CEP63: variants seen among roughly 807,000 people sequenced by gnomAD.
CEP63 encodes the protein centrosomal protein of 63 kDa.
A neutral mutation model predicts 89.1 loss-of-function variants in CEP63; 84 were observed. That is an observed-to-expected ratio of 0.94 (90% CI 0.79 to 1.13). CEP63 has a LOEUF of 1.13. Among genes scored for constraint, CEP63 ranks in the 50% most tolerant of loss-of-function variants. The pLI is 0.00. For missense variants in CEP63, 838 were observed against 813.3 expected (o/e 1.03, Z -0.37); for synonymous variants, 267 against 272.5 (o/e 0.98, Z 0.20).
chr3:134,526,548 T>C (rs1258111731), intron 3 of CEP63, among the ~76,000 whole-genome samples: 1 of 152,166 alleles, frequency 6.6e-6, no homozygotes, highest in Non-Finnish European at 1.5e-5. Context: ...TTCAGTATAC[T>C]CCTGTAGCTC....
chr3:134,594,891 G>A, the CEP63 span, among the ~76,000 whole-genome samples: 1 of 152,232 alleles, frequency 6.6e-6, no homozygotes, highest in Non-Finnish European at 1.5e-5. Context: ...ATATGCCTGT[G>A]TGCATTTGTG....
At chr3:134,546,367 T>A (rs1953322068) in intron 8 of CEP63, 79 bp downstream of exon 8, 3 of 1,322,318 alleles carry the variant, frequency 2.3e-6, no homozygotes, top group East Asian at 4.9e-5. Flanking sequence ...TTTATTTTTA[T>A]TTTTATTTTA....
At chr3:134,709,200 C>T in the CEP63 span, among the ~76,000 whole-genome samples, 1 of 152,122 alleles carries the variant, frequency 6.6e-6, no homozygotes, top group Non-Finnish European at 1.5e-5. Context: ...ACATTTCCTC[C>T]CTCTAGGCAC....
intron 2 of CEP63, among the ~76,000 whole-genome samples, chr3:134,499,820 CT>C (rs747946881): frequency 0.092 from 9,105 of 98,614 alleles, 258 homozygotes; most frequent in African/African-American, 0.18. Context: ...CCATCTTCAT[CT>C]TTTTTTTTTT....
chr3:134,624,997 C>G, the CEP63 span: 1 of 1,488,112 alleles, frequency 6.7e-7, no homozygotes, highest in Non-Finnish European at 9.2e-7. Context: ...TTTTGCTGCC[C>G]TAGAACTCTA....
At chr3:134,546,588 C>T (rs1263396409) in intron 8 of CEP63, among the ~76,000 whole-genome samples, 1 of 152,090 alleles carries the variant, frequency 6.6e-6, no homozygotes. Flanking sequence ...AATTCCTAAC[C>T]TCAGGTGATC....
At chr3:134,545,274 G>A (rs1211326113) in intron 6 of CEP63, among the ~76,000 whole-genome samples, 6 of 152,004 alleles carry the variant, frequency 3.9e-5, no homozygotes, top group Non-Finnish European at 7.4e-5. Flanking sequence ...GGGATTACAG[G>A]CGTGATCCAC....
chr3:134,660,723 G>C, the CEP63 span, among the ~76,000 whole-genome samples: 1 of 152,218 alleles, frequency 6.6e-6, no homozygotes, highest in Non-Finnish European at 1.5e-5. Context: ...CTTTGGTGCA[G>C]TGAGTGTGCA....
intron 11 of CEP63, among the ~76,000 whole-genome samples, chr3:134,571,317 G>C (rs1958000354): frequency 6.6e-6 from 1 of 152,174 alleles, no homozygotes; most frequent in South Asian, 2.1e-4. Context: ...TTTACCTTCT[G>C]TGTGTCAGGG....
the CEP63 span, among the ~76,000 whole-genome samples, chr3:134,686,336 C>T: frequency 6.6e-6 from 1 of 152,294 alleles, no homozygotes; most frequent in South Asian, 2.1e-4. Flanking sequence ...ATTTCCCAGG[C>T]CTTCAGAAGG....
intron 10 of CEP63, 55 bp downstream of exon 10, chr3:134,549,231 G>T: frequency 9.0e-7 from 1 of 1,106,664 alleles, no homozygotes; most frequent in South Asian, 1.2e-5. Context: ...GGACAAAGCT[G>T]TGGATTGGGA....
chr3:134,581,438 G>A (rs1162892349), intron 10 of CEP63, among the ~76,000 whole-genome samples: 4 of 151,674 alleles, frequency 2.6e-5, no homozygotes, highest in African/African-American at 7.3e-5. Context: ...AAAATTAGCC[G>A]GGCATGGTGG....
chr3:134,752,968 G>T, the CEP63 span, among the ~76,000 whole-genome samples: 2 of 152,182 alleles, frequency 1.3e-5, no homozygotes, highest in African/African-American at 4.8e-5. Flanking sequence ...TGGTGGCCAG[G>T]AGCCTGGCAG....
the CEP63 span, among the ~76,000 whole-genome samples, chr3:134,677,643 T>G: frequency 6.6e-6 from 1 of 152,114 alleles, no homozygotes; most frequent in East Asian, 1.9e-4. Flanking sequence ...GGGTGAGGGT[T>G]AACCCTAACT....
rs1954962128 is a variant in CEP63, at chr3:134,551,963, A to G, written c.1418A>G (p.Asn473Ser). 4 of 1,609,856 alleles carry G rather than the reference A, an allele frequency of 2.5e-6. No individual in the cohort carries two copies. Among genetic ancestry groups the G allele is most frequent in the South Asian group, 2.2e-5 (2 of 90,596 alleles). ...LDQLESLKLE[N>S]RHLSEMVMKL... ...CAGCTGGAGTCACTCAAATTAGAAA[A>G]TCGTCATCTTTCTGAAATGGTGATG... The change falls in exon 12 of 15, where the codon AAT becomes AGT. Residue 473 changes from asparagine to serine, a missense_variant. Physicochemically the swap from Asn to Ser is conservative, Grantham distance 46. Coordinates refer to ENST00000675561, the MANE Select transcript of CEP63 (RefSeq NM_001353108.3).
At chr3:134,571,889 T>C (rs1440847657) in intron 11 of CEP63, among the ~76,000 whole-genome samples, 1 of 152,206 alleles carries the variant, frequency 6.6e-6, no homozygotes, top group Non-Finnish European at 1.5e-5. Flanking sequence ...ATGAAAGTAA[T>C]GTTTTAATAT....
At chr3:134,685,629 CT>C in the CEP63 span, among the ~76,000 whole-genome samples, 1 of 152,190 alleles carries the variant, frequency 6.6e-6, no homozygotes, top group Admixed American at 6.5e-5. Flanking sequence ...TGATGCCACC[CT>C]TTTCTTAGCT....
the CEP63 span, among the ~76,000 whole-genome samples, chr3:134,650,448 G>T: frequency 1.3e-5 from 2 of 151,994 alleles, no homozygotes; most frequent in Admixed American, 6.5e-5. Flanking sequence ...AGTGTGCTGT[G>T]GGGGGGAGCA....
chr3:134,761,751 C>CTCT, the CEP63 span, among the ~76,000 whole-genome samples: 19,892 of 152,058 alleles, frequency 0.13, 1,392 homozygotes, highest in Middle Eastern at 0.18. Flanking sequence ...CTCTCTCTCT[C>CTCT]CCCCCTGAAT....
Sources: gnomAD v4.1 joint callset for allele counts (sites outside exome capture counted in the v4.1 genomes callset) on GRCh38, gnomAD v4.1.1 for gene constraint, MANE v1.5 for transcripts, NCBI Gene and HGNC (gene_info 2026-07-23, HGNC 2026-07-21) for gene names.